CNTLN: variants seen among roughly 807,000 people sequenced by gnomAD.
CNTLN encodes centlein.
In CNTLN, 212 loss-of-function variants were observed where a neutral mutation model predicts 180.0. That is an observed-to-expected ratio of 1.18 (90% CI 1.05 to 1.32). The LOEUF (loss-of-function observed/expected upper bound fraction) is 1.32, where lower values mean the gene tolerates loss of function less well. Among genes scored for constraint, CNTLN ranks in the 40% most tolerant of loss-of-function variants. The pLI is 0.00. For synonymous variants in CNTLN, 722 were observed against 563.1 expected, an observed-to-expected ratio of 1.28 and a Z score of -3.99; for missense variants, 2,095 against 1,610.9, an observed-to-expected ratio of 1.30 and a Z score of -5.14.
At chr9:17,291,705 A>C (rs953666758) in intron 6 of CNTLN, among the ~76,000 whole-genome samples, 1 of 152,110 alleles carries the variant, frequency 6.6e-6, no homozygotes, top group Admixed American at 6.5e-5. Context: ...GTGTCTTTGC[A>C]TGTGAGATGG....
intron 7 of CNTLN, chr9:17,302,122 A>G: frequency 2.2e-6 from 2 of 889,682 alleles, no homozygotes; most frequent in Non-Finnish European, 2.6e-6. Flanking sequence ...ACACACACAG[A>G]CACACACACA....
intron 2 of CNTLN, among the ~76,000 whole-genome samples, chr9:17,161,013 C>A (rs954601761): frequency 2.6e-5 from 4 of 152,026 alleles, no homozygotes; most frequent in Non-Finnish European, 5.9e-5. Flanking sequence ...TAGAAAGAGA[C>A]AATTTATAAT....
At chr9:17,409,548 A>T (rs1240311676) in intron 16 of CNTLN, 75 bp downstream of exon 16, 4 of 1,058,908 alleles carry the variant, frequency 3.8e-6, no homozygotes, top group Non-Finnish European at 5.4e-6. Context: ...TAAGTAAATA[A>T]ATGTTACTAC....
rs1377403446 is a variant in CNTLN, at chr9:17,394,629, G to A, written c.2175G>A (p.Leu725=). ...NKKLMKENDF[L]KSLLKQQQED... Reference sequence around the variant, plus strand: ...AATTAATGAAAGAAAATGATTTTCTGAAATCCCTCTTAAAACAGCAACAAG... The same window carrying A: ...AATTAATGAAAGAAAATGATTTTCTAAAATCCCTCTTAAAACAGCAACAAG... The change falls in exon 15 of 26, where the codon CTG becomes CTA. Residue 725 remains leucine, a synonymous_variant. Transcript: ENST00000380647. 6.2e-7 allele frequency: 1 copy of A among 1,605,558 alleles called. No individual in the cohort carries two copies. Among genetic ancestry groups the A allele is most frequent in the Non-Finnish European group, 8.5e-7 (1 of 1,177,882 alleles).
intron 2 of CNTLN, among the ~76,000 whole-genome samples, chr9:17,206,144 G>A (rs887558188): frequency 7.9e-5 from 12 of 152,116 alleles, no homozygotes; most frequent in Admixed American, 4.6e-4. Flanking sequence ...TTGGAGAATC[G>A]TCCCTGCTAA....
At chr9:17,244,197 A>G (rs1825665314) in intron 5 of CNTLN, among the ~76,000 whole-genome samples, 1 of 138,816 alleles carries the variant, frequency 7.2e-6, no homozygotes, top group East Asian at 2.1e-4. Flanking sequence ...ATGTATTTTT[A>G]TAGGTTAGGT....
chr9:17,415,105 C>T lies in CNTLN; in HGVS notation c.2797-683C>T, dbSNP rs1018597593. 4.6e-5 allele frequency among the ~76,000 whole-genome samples: 7 copies of T among 151,496 alleles called. No homozygotes were observed. The South Asian group carries it at 1.5e-3, about 31-fold the overall frequency. On this transcript the variant is annotated intron_variant, in intron 16 of 25. Coordinates refer to ENST00000380647, the MANE Select transcript of CNTLN (RefSeq NM_017738.4). ...TGTCTCAAAAGAAAAAAAAAAAAATCTTAAGACCACATGTTTTACTACTAA... is the reference window on the plus strand; with the variant it reads ...TGTCTCAAAAGAAAAAAAAAAAAATTTTAAGACCACATGTTTTACTACTAA...
chr9:17,276,954 A>T (rs1828350634), intron 6 of CNTLN, among the ~76,000 whole-genome samples: 1 of 152,044 alleles, frequency 6.6e-6, no homozygotes, highest in Admixed American at 6.6e-5. Context: ...TGCATATATA[A>T]TGATGTACAT....
In CNTLN at chr9:17,484,701, T is replaced by C. The variant is rs571992338; in HGVS notation, c.4041+221T>C. 2.6e-5 allele frequency among the ~76,000 whole-genome samples: 4 copies of C among 152,226 alleles called. No individual in the cohort carries two copies. The East Asian group carries it at 7.7e-4, about 29-fold the overall frequency. The stretch of plus-strand genomic sequence containing the variant: ...TAATATAGAAATAAGCTAGTACTTA[T>C]AACCTTTCAAATTACTTGTTATTCA... On this transcript the variant is annotated intron_variant, in intron 24 of 25. Transcript: ENST00000380647.
chr9:17,135,508 T>G (rs996025638), intron 1 of CNTLN, 83 bp downstream of exon 1: 52 of 1,472,174 alleles, frequency 3.5e-5, no homozygotes, highest in Non-Finnish European at 4.1e-5. Flanking sequence ...TCCCTCTGCC[T>G]TGGGACCTAC....
At chr9:17,522,520 G>A in the CNTLN span, among the ~76,000 whole-genome samples, 2 of 152,020 alleles carry the variant, frequency 1.3e-5, no homozygotes, top group Non-Finnish European at 2.9e-5. Flanking sequence ...CATCACTTCG[G>A]GGGCTGGGCT....
Position 17,298,262 on chromosome 9 carries a change from C to T in CNTLN, c.1056C>T (p.Ile352=). ...STHTAQQAEL[I]QQLQVLNMDT... is the part of the protein sequence containing the mutation. ...ATACAGCCCAGCAAGCAGAGCTGAT[C>T]CAGCAGCTTCAGGTTCTCAATATGG... The change falls in exon 7 of 26, where the codon ATC becomes ATT. Residue 352 remains isoleucine (I), a synonymous_variant. Transcript: ENST00000380647. The T allele has an allele frequency of 1.9e-6, 3 of 1,613,138 alleles. No homozygotes were observed. The highest frequency in any genetic ancestry group is 2.5e-6 in the Non-Finnish European group (3 of 1,179,624).
chr9:17,236,393 T>C lies in CNTLN; in HGVS notation c.670-16T>C. 6.4e-7 allele frequency: 1 copy of C among 1,552,692 alleles called. No homozygotes were observed. The highest frequency in any genetic ancestry group is 8.7e-7 in the Non-Finnish European group (1 of 1,155,722). The stretch of plus-strand genomic sequence containing the variant: ...GTTTTGTTTTATTTATTTGCCCTTG[T>C]GGTACTGTTCTACAGGACACTAAGG... On this transcript the variant is annotated splice_polypyrimidine_tract_variant and intron_variant, in intron 4 of 25. Transcript: ENST00000380647.
chr9:17,217,061 T>C (rs924411823), intron 2 of CNTLN, among the ~76,000 whole-genome samples: 3 of 152,106 alleles, frequency 2.0e-5, no homozygotes, highest in Admixed American at 2.0e-4. Context: ...AAGGTGAGAG[T>C]ACTTGCAATA....
chr9:17,247,653 G>A (rs186962785), intron 5 of CNTLN, among the ~76,000 whole-genome samples: 1 of 152,104 alleles, frequency 6.6e-6, no homozygotes. Context: ...GTGGATAGTT[G>A]TTCAATATGG....
the CNTLN span, among the ~76,000 whole-genome samples, chr9:17,527,830 T>C: frequency 1.3e-5 from 2 of 151,744 alleles, no homozygotes; most frequent in Non-Finnish European, 2.9e-5. Context: ...AAGACAGTGC[T>C]CAAAGAAAAA....
the CNTLN span, among the ~76,000 whole-genome samples, chr9:17,526,828 T>C: frequency 4.1e-4 from 62 of 152,034 alleles, no homozygotes; most frequent in Non-Finnish European, 6.6e-4. Flanking sequence ...TTACAATTTT[T>C]CAGTTAAGTC....
In CNTLN at chr9:17,476,548, C is replaced by T. The variant is rs376951935; in HGVS notation, c.3856-7747C>T. Among the ~76,000 whole-genome samples, 3 of 152,326 alleles carry T rather than the reference C, an allele frequency of 2.0e-5. No individual in the cohort carries two copies. The East Asian group carries it at 5.8e-4, about 29-fold the overall frequency. On this transcript the variant is annotated intron_variant, in intron 23 of 25. Coordinates refer to ENST00000380647, the MANE Select transcript of CNTLN (RefSeq NM_017738.4). ...TACTGAAGGAAGTAAAAAAATGCTA[C>T]TTCATGAATACACAAATGATAAGAA...
At chr9:17,397,526 GTCTTCTTGGTT>G (rs1207608209) in intron 15 of CNTLN, among the ~76,000 whole-genome samples, 1 of 152,086 alleles carries the variant, frequency 6.6e-6, no homozygotes, top group Non-Finnish European at 1.5e-5. Context: ...TCTGATCACT[GTCTTCTTGGTT>G]TTGATGGGTT....
Sources: allele counts gnomAD v4.1 joint callset (sites outside exome capture counted in the v4.1 genomes callset), GRCh38; gene constraint gnomAD v4.1.1; transcripts MANE v1.5; gene names NCBI Gene and HGNC (gene_info 2026-07-23, HGNC 2026-07-21).